Variants in ROS1 observed in about 807,000 individuals in gnomAD.
The protein encoded by ROS1 is ROS proto-oncogene 1, receptor tyrosine kinase.
In ROS1, 263 loss-of-function variants were observed where a neutral mutation model predicts 273.5. The observed-to-expected ratio is 0.96, with a 90% confidence interval of 0.87 to 1.06. The LOEUF is 1.06. ROS1 is among the 50% of genes least tolerant of loss of function. The pLI is 0.00. For missense variants in ROS1, 2,833 were observed against 2,751.1 expected (o/e 1.03, Z -0.67); for synonymous variants, 1,008 against 954.1 (o/e 1.06, Z -1.04).
chr6:117,383,253 A>C, intron 17 of ROS1, 64 bp downstream of exon 17: 2 of 1,245,712 alleles, frequency 1.6e-6, no homozygotes, highest in Non-Finnish European at 2.3e-6. Flanking sequence ...AAGCGAGAGA[A>C]AGTATTATCA....
At chr6:117,376,505 C>G (rs1332987964) in intron 18 of ROS1, among the ~76,000 whole-genome samples, 1 of 152,010 alleles carries the variant, frequency 6.6e-6, no homozygotes, top group Non-Finnish European at 1.5e-5. Flanking sequence ...TTTGAGACTA[C>G]TATAACTCTT....
At position 117,341,284 on chromosome 6, in the gene ROS1, A is replaced by T. The variant is rs1777893903; in HGVS notation, c.4912T>A (p.Trp1638Arg). The change falls in exon 31 of 44, where the codon TGG becomes AGG. Residue 1638 changes from tryptophan (W) to arginine (R), a missense_variant. Transcript: ENST00000368507. ...GTGACAGGATGACTCTCTGTACACCACATTTCCTCAGAGTGGCAGGCAAGA... is the reference window on the plus strand; with the variant it reads ...GTGACAGGATGACTCTCTGTACACCTCATTTCCTCAGAGTGGCAGGCAAGA... ...KVLACHSEEM[W>R]CTESHPVTVE... The T allele has an allele frequency of 6.2e-7, 1 of 1,613,302 alleles. No individual in the cohort carries two copies. Among genetic ancestry groups the T allele is most frequent in the Admixed American group, 1.7e-5 (1 of 59,934 alleles).
intron 18 of ROS1, 111 bp from the exon 19 acceptor site, chr6:117,366,401 C>CAG: frequency 1.4e-6 from 1 of 689,698 alleles, no homozygotes; most frequent in Non-Finnish European, 2.5e-6. Context: ...CATTTGTGTA[C>CAG]ATTAAAATAA....
intron 4 of ROS1, 65 bp from the exon 5 acceptor site, chr6:117,409,707 A>G: frequency 7.7e-7 from 1 of 1,295,340 alleles, no homozygotes; most frequent in Non-Finnish European, 1.1e-6. Context: ...ATAAGCTTCA[A>G]CTAAATTTTA....
At chr6:117,401,154 C>T (rs1562367962) in intron 7 of ROS1, among the ~76,000 whole-genome samples, 1 of 152,162 alleles carries the variant, frequency 6.6e-6, no homozygotes. Context: ...TATGACAAAC[C>T]TTTCCCTGTT....
chr6:117,398,693 A>AAAAAAAAAAAAAAAAAAC lies in ROS1; in HGVS notation c.605-1578_605-1577insGTTTTTTTTTTTTTTTTT, dbSNP rs1554252569. ...GACCTTGTCTCAAAAAAAAAAAAAA[A>AAAAAAAAAAAAAAAAAAC]AAAACTCGCGGTGACTCATGCTTGT... On this transcript the variant is annotated intron_variant, in intron 7 of 43. Transcript: ENST00000368507. Among the ~76,000 whole-genome samples, 463 of 141,060 alleles carry AAAAAAAAAAAAAAAAAAC rather than the reference A, an allele frequency of 3.3e-3. 11 individuals are homozygous for AAAAAAAAAAAAAAAAAAC. Among genetic ancestry groups the AAAAAAAAAAAAAAAAAAC allele is most frequent in the Non-Finnish European group, 5.5e-3 (343 of 62,078 alleles). 92.5% of individuals were successfully genotyped at this position (141,060 alleles called of 152,430 possible).
chr6:117,385,967 C>A, intron 15 of ROS1, 106 bp from the exon 16 acceptor site: 1 of 819,242 alleles, frequency 1.2e-6, no homozygotes. Flanking sequence ...AAACAACACA[C>A]TGACACATAT....
chr6:117,360,516 A>G (rs1485550827), intron 22 of ROS1, 111 bp from the exon 23 acceptor site: 4 of 681,022 alleles, frequency 5.9e-6, no homozygotes, highest in Admixed American at 2.6e-5. Flanking sequence ...GATACACAAT[A>G]TTAATAGTTT....
intron 26 of ROS1, among the ~76,000 whole-genome samples, chr6:117,354,842 G>A (rs1057186260): frequency 7.9e-5 from 12 of 152,138 alleles, no homozygotes; most frequent in African/African-American, 2.2e-4. Flanking sequence ...GTGCAATAGC[G>A]CACTAGGAAA....
Position 117,384,117 on chromosome 6 carries a change from T to A in ROS1, c.2290-609A>T, listed in dbSNP as rs1292723022. 2.6e-5 allele frequency among the ~76,000 whole-genome samples: 4 copies of A among 152,206 alleles called. No individual in the cohort carries two copies. In the South Asian group the frequency reaches 6.2e-4, roughly 24 times the overall value. Reference sequence around the variant, plus strand: ...AAAATACTTAAAACTGGTTTTTATGTCCACTCTTCCATTTCCTTTTTCAAA... The same window carrying A: ...AAAATACTTAAAACTGGTTTTTATGACCACTCTTCCATTTCCTTTTTCAAA... On this transcript the variant is annotated intron_variant, in intron 16 of 43. Transcript: ENST00000368507.
Position 117,384,927 on chromosome 6 carries a change from C to T in ROS1, c.2289+756G>A, listed in dbSNP as rs1248085590. On this transcript the variant is annotated intron_variant, in intron 16 of 43. Transcript: ENST00000368507. ...AGCTTCTGTGCCTAAAGTCACAGTC[C>T]ATATCAGCTACTCTCCTACAGCTAC... Among the ~76,000 whole-genome samples the T allele has an allele frequency of 2.6e-5, 4 of 152,264 alleles. No individual in the cohort carries two copies. In the East Asian group the frequency reaches 5.8e-4, roughly 22 times the overall value.
chr6:117,362,551 C>A, intron 22 of ROS1, 52 bp downstream of exon 22: 1 of 1,535,366 alleles, frequency 6.5e-7, no homozygotes. Context: ...CTTTCCCTCT[C>A]CCCACAATGC....
intron 7 of ROS1, among the ~76,000 whole-genome samples, chr6:117,399,036 G>T (rs1476197192): frequency 6.6e-6 from 1 of 150,928 alleles, no homozygotes; most frequent in Admixed American, 6.6e-5. Context: ...AAAGAGAATA[G>T]GGTTATGAGG....
At chr6:117,396,387 C>T (rs957153555) in intron 8 of ROS1, 123 bp from the exon 9 acceptor site, 10 of 703,736 alleles carry the variant, frequency 1.4e-5, no homozygotes, top group African/African-American at 5.3e-5. Flanking sequence ...AGTCTAGTTA[C>T]GTGGTGCCAC....
intron 34 of ROS1, among the ~76,000 whole-genome samples, chr6:117,325,143 CTATAA>C (rs1562272952): frequency 6.6e-6 from 1 of 152,012 alleles, no homozygotes; most frequent in Non-Finnish European, 1.5e-5. Flanking sequence ...AGATAACTAA[CTATAA>C]TATAAACAAG....
intron 3 of ROS1, 43 bp downstream of exon 3, chr6:117,416,215 A>C: frequency 1.7e-6 from 2 of 1,195,160 alleles, no homozygotes; most frequent in Non-Finnish European, 2.5e-6. Flanking sequence ...TTTCCTCTTG[A>C]AAGAAACATC....
intron 5 of ROS1, among the ~76,000 whole-genome samples, chr6:117,406,166 T>C (rs1021136675): frequency 6.6e-6 from 1 of 152,042 alleles, no homozygotes; most frequent in African/African-American, 2.4e-5. Context: ...CTCTCATATA[T>C]ATATATACAC....
Position 117,402,185 on chromosome 6 carries a change from C to T in ROS1, c.604+954G>A, listed in dbSNP as rs1562369359. On this transcript the variant is annotated intron_variant, in intron 7 of 43. Transcript: ENST00000368507. The stretch of plus-strand genomic sequence containing the variant: ...CCCTGAGGTAGACTGGGTCTGGCCC[C>T]CATCTCTCTGACCTTAGCTGTTACT... Among the ~76,000 whole-genome samples the T allele has an allele frequency of 3.3e-5, 5 of 152,292 alleles. No homozygotes were observed. The South Asian group carries it at 1.0e-3, about 32-fold the overall frequency.
chr6:117,384,629 T>C (rs1582807812), intron 16 of ROS1, among the ~76,000 whole-genome samples: 1 of 152,316 alleles, frequency 6.6e-6, no homozygotes, highest in South Asian at 2.1e-4. Context: ...TCATTAGCCA[T>C]CATCTTTCTC....
Sources: allele counts gnomAD v4.1 joint callset (sites outside exome capture counted in the v4.1 genomes callset), GRCh38; gene constraint gnomAD v4.1.1; transcripts MANE v1.5; gene names NCBI Gene and HGNC (gene_info 2026-07-23, HGNC 2026-07-21).